MARCHF6: variants seen among roughly 807,000 people sequenced by gnomAD.
MARCHF6 encodes the protein E3 ubiquitin-protein ligase MARCHF6.
MARCHF6 carries 31 observed loss-of-function variants against 133.7 expected under a neutral mutation model. The ratio of observed to expected loss-of-function variants is 0.23; its 90% CI spans 0.17 to 0.31. MARCHF6 has a LOEUF of 0.31. Ranked by LOEUF, MARCHF6 falls within the 10% of genes least tolerant of loss-of-function variation. MARCHF6 has a pLI of 1.00. For synonymous variants in MARCHF6, 395 were observed against 402.5 expected (o/e 0.98, Z 0.22); for missense variants, 723 against 1,121.6 (o/e 0.64, Z 5.08).
At chr5:10,377,273 A>T (rs1736846451) in intron 1 of MARCHF6, among the ~76,000 whole-genome samples, 1 of 151,958 alleles carries the variant, frequency 6.6e-6, no homozygotes, top group Non-Finnish European at 1.5e-5. Flanking sequence ...ACCAGCCCTT[A>T]AAGTGTGTGT....
chr5:10,354,546 T>C (rs1210413270), intron 1 of MARCHF6: 2 of 152,212 alleles, frequency 1.3e-5, no homozygotes, highest in African/African-American at 4.8e-5. Flanking sequence ...CTGTTTGTTT[T>C]GTTTTGCGAT....
At chr5:10,367,593 A>G (rs1736212878) in intron 1 of MARCHF6, among the ~76,000 whole-genome samples, 1 of 152,160 alleles carries the variant, frequency 6.6e-6, no homozygotes, top group African/African-American at 2.4e-5. Flanking sequence ...TTAGAGTTTT[A>G]TTTTTTTCCT....
intron 17 of MARCHF6, among the ~76,000 whole-genome samples, chr5:10,409,289 A>C (rs1314040956): frequency 6.6e-6 from 1 of 152,232 alleles, no homozygotes; most frequent in Admixed American, 6.5e-5. Context: ...GGGTATAGAA[A>C]GTGGGCAGGA....
intron 16 of MARCHF6, among the ~76,000 whole-genome samples, chr5:10,406,885 C>G (rs1738929473): frequency 6.6e-6 from 1 of 152,056 alleles, no homozygotes; most frequent in African/African-American, 2.4e-5. Flanking sequence ...GCATTTGTGT[C>G]CTAGATGGGA....
At position 10,375,320 on chromosome 5, in the gene MARCHF6, G is replaced by A. The variant is rs539778810; in HGVS notation, c.20-2478G>A. Among the ~76,000 whole-genome samples the A allele has an allele frequency of 1.0e-4, 16 of 152,386 alleles. No individual in the cohort carries two copies. The South Asian group carries it at 3.3e-3, about 32-fold the overall frequency. Reference sequence around the variant, plus strand: ...ACCCGGGCCAGCGGCTGCAGAGGGTGTACTGGGTCCCCCAGCAGTGCCGGC... The same window carrying A: ...ACCCGGGCCAGCGGCTGCAGAGGGTATACTGGGTCCCCCAGCAGTGCCGGC... On this transcript the variant is annotated intron_variant, in intron 1 of 25. Transcript: ENST00000274140.
At chr5:10,414,350 A>C in intron 19 of MARCHF6, 83 bp from the exon 20 acceptor site, 1 of 773,786 alleles carries the variant, frequency 1.3e-6, no homozygotes, top group Non-Finnish European at 2.1e-6. Context: ...TTTCTTTTTA[A>C]TGGGAAGATT....
intron 4 of MARCHF6, among the ~76,000 whole-genome samples, 158 bp downstream of exon 4, chr5:10,382,101 G>A (rs1283830039): frequency 6.6e-6 from 1 of 152,202 alleles, no homozygotes; most frequent in Non-Finnish European, 1.5e-5. Flanking sequence ...ATGTTCATCG[G>A]AACTAAGAAT....
intron 1 of MARCHF6, among the ~76,000 whole-genome samples, chr5:10,354,459 A>C (rs1046250838): frequency 6.6e-6 from 1 of 152,132 alleles, no homozygotes; most frequent in African/African-American, 2.4e-5. Context: ...GCCGCTCGAG[A>C]ATCTGTTTAC....
intron 25 of MARCHF6, among the ~76,000 whole-genome samples, chr5:10,433,335 G>A (rs950290352): frequency 6.6e-5 from 10 of 152,190 alleles, no homozygotes; most frequent in African/African-American, 2.4e-4. Flanking sequence ...CTGAGTTTCT[G>A]AGACCCCCTA....
intron 1 of MARCHF6, among the ~76,000 whole-genome samples, chr5:10,372,525 AT>A (rs111820253): frequency 6.6e-6 from 1 of 151,660 alleles, no homozygotes; most frequent in African/African-American, 2.4e-5. Context: ...CTTTAGGATT[AT>A]TTTTTTTCCC....
In MARCHF6 at chr5:10,412,913, G is replaced by C. The variant is rs114726126; in HGVS notation, c.1896+1376G>C. On this transcript the variant is annotated intron_variant, in intron 19 of 25. Transcript: ENST00000274140. ...TAGAGGGTGAGGTGTATGTCCAGGA[G>C]AGGTGAGGAACAAGGGGAGAGATGA... Among the ~76,000 whole-genome samples the C allele has an allele frequency of 7.1e-3, 1,080 of 152,234 alleles. 5 individuals carry two copies. Among genetic ancestry groups the C allele is most frequent in the Non-Finnish European group, 0.012 (830 of 68,006 alleles).
intron 1 of MARCHF6, among the ~76,000 whole-genome samples, chr5:10,365,118 A>G (rs1736063123): frequency 2.0e-5 from 3 of 151,600 alleles, no homozygotes; most frequent in Admixed American, 2.0e-4. Flanking sequence ...GCTTCTTCTG[A>G]TCTCACAGAA....
intron 17 of MARCHF6, among the ~76,000 whole-genome samples, chr5:10,408,837 C>G (rs919883329): frequency 2.0e-5 from 3 of 152,314 alleles, no homozygotes; most frequent in Non-Finnish European, 2.9e-5. Context: ...CTGTGCCTGG[C>G]CATCATTCCA....
At position 10,353,708 on chromosome 5, in the gene MARCHF6, C is replaced by A; in HGVS notation, c.-191C>A. Reference sequence around the variant, plus strand: ...TCGCCCCTAGGTGTTCCCGCCCCTCCCCCTCCCGTGTCGCTCGCTTTCTGT... The same window carrying A: ...TCGCCCCTAGGTGTTCCCGCCCCTCACCCTCCCGTGTCGCTCGCTTTCTGT... On this transcript the variant is annotated 5_prime_UTR_variant, in exon 1 of 26. Transcript: ENST00000274140. 2.1e-6 allele frequency: 1 copy of A among 481,604 alleles called. No individual in the cohort carries two copies. The highest frequency in any genetic ancestry group is 2.5e-5 in the South Asian group (1 of 40,356). The allele number at this position is 481,604 out of a possible 1,614,324, so 29.8% of individuals were successfully genotyped here. A position where few individuals can be genotyped will look rare whatever the true frequency, so the allele number is the denominator to read the frequency against.
intron 1 of MARCHF6, among the ~76,000 whole-genome samples, chr5:10,369,791 G>A (rs1172734204): frequency 2.0e-5 from 3 of 151,950 alleles, no homozygotes; most frequent in Non-Finnish European, 4.4e-5. Context: ...ATGTTTGAGG[G>A]TTATCCACAT....
chr5:10,370,006 TTAG>T (rs1468339283), intron 1 of MARCHF6, among the ~76,000 whole-genome samples: 3 of 151,914 alleles, frequency 2.0e-5, no homozygotes, highest in African/African-American at 4.8e-5. Context: ...TAAATATATA[TTAG>T]TAGGATTTCT....
intron 6 of MARCHF6, 95 bp from the exon 7 acceptor site, chr5:10,391,447 T>TG: frequency 3.8e-6 from 2 of 532,224 alleles, no homozygotes; most frequent in South Asian, 6.7e-5. Context: ...TTTTTTTTTT[T>TG]TTTTTTTTTT....
At chr5:10,364,432 T>G (rs1736006362) in intron 1 of MARCHF6, among the ~76,000 whole-genome samples, 1 of 152,098 alleles carries the variant, frequency 6.6e-6, no homozygotes, top group Admixed American at 6.6e-5. Flanking sequence ...AAACTACTGA[T>G]AGTGTGGCAG....
chr5:10,387,874 C>T (rs1579562166), intron 5 of MARCHF6, among the ~76,000 whole-genome samples: 1 of 152,186 alleles, frequency 6.6e-6, no homozygotes, highest in South Asian at 2.1e-4. Context: ...GTTAGCCAGG[C>T]TCGTCTCAAA....
Sources: gnomAD v4.1 joint callset for allele counts (sites outside exome capture counted in the v4.1 genomes callset) on GRCh38, gnomAD v4.1.1 for gene constraint, MANE v1.5 for transcripts, NCBI Gene and HGNC (gene_info 2026-07-23, HGNC 2026-07-21) for gene names.